The following NBEA variants were observed in gnomAD, a reference collection of about 807,000 sequenced individuals.
NBEA encodes the protein lysosomal-trafficking regulator 2.
A neutral mutation model predicts 343.4 loss-of-function variants in NBEA; 44 were observed. The ratio of observed to expected loss-of-function variants is 0.13; its 90% CI spans 0.10 to 0.16. NBEA has a LOEUF of 0.16. Ranked by LOEUF, NBEA falls within the 10% of genes least tolerant of loss-of-function variation. The pLI is 1.00. For synonymous variants in NBEA, 1,175 were observed against 1,238.7 expected, an observed-to-expected ratio of 0.95 and a Z score of 1.08; for missense variants, 2,555 against 3,631.3, an observed-to-expected ratio of 0.70 and a Z score of 7.62.
chr13:35,256,561 G>A (rs532711653), intron 34 of NBEA, among the ~76,000 whole-genome samples: 34 of 152,262 alleles, frequency 2.2e-4, no homozygotes, highest in African/African-American at 7.9e-4. Flanking sequence ...TTCCTCCTAC[G>A]CCGTCAACAT....
chr13:35,252,677 T>C (rs1425701879), intron 34 of NBEA, among the ~76,000 whole-genome samples: 1 of 152,118 alleles, frequency 6.6e-6, no homozygotes, highest in Non-Finnish European at 1.5e-5. Flanking sequence ...TAGCTGTCCC[T>C]GCACAGATGC....
chr13:35,572,356 A>G (rs1475597543), intron 45 of NBEA, among the ~76,000 whole-genome samples: 1 of 152,216 alleles, frequency 6.6e-6, no homozygotes, highest in Non-Finnish European at 1.5e-5. Context: ...ATGCCCTCTG[A>G]TAAGTGAAAT....
At chr13:35,440,306 TCTGA>T (rs1200377453) in intron 39 of NBEA, among the ~76,000 whole-genome samples, 1 of 152,236 alleles carries the variant, frequency 6.6e-6, no homozygotes, top group Non-Finnish European at 1.5e-5. Context: ...CCAAATCATT[TCTGA>T]CTGTCATGGA....
intron 41 of NBEA, among the ~76,000 whole-genome samples, chr13:35,519,564 T>C (rs2043444870): frequency 6.6e-6 from 1 of 152,220 alleles, no homozygotes; most frequent in Non-Finnish European, 1.5e-5. Flanking sequence ...TTTGGCCTTG[T>C]AAATAGCATT....
At chr13:35,105,402 C>T (rs895351638) in intron 11 of NBEA, among the ~76,000 whole-genome samples, 1 of 152,002 alleles carries the variant, frequency 6.6e-6, no homozygotes, top group Non-Finnish European at 1.5e-5. Context: ...TCAATAATGT[C>T]ATCAGAGACC....
chr13:35,359,958 T>C (rs1310516011), intron 38 of NBEA, among the ~76,000 whole-genome samples: 1 of 151,974 alleles, frequency 6.6e-6, no homozygotes, highest in African/African-American at 2.4e-5. Context: ...ACGGTAACTA[T>C]GTTGATACTT....
At chr13:35,265,019 A>C (rs2033551726) in intron 34 of NBEA, among the ~76,000 whole-genome samples, 1 of 151,982 alleles carries the variant, frequency 6.6e-6, no homozygotes, top group Non-Finnish European at 1.5e-5. Context: ...ATTAGAACTA[A>C]TAAATACATT....
chr13:35,668,315 G>A (rs2085451874), intron 57 of NBEA, 53 bp from the exon 58 acceptor site: 6 of 1,512,624 alleles, frequency 4.0e-6, no homozygotes, highest in Admixed American at 2.0e-5. Context: ...TGGTTGTTGT[G>A]TATTTTATTT....
intron 10 of NBEA, among the ~76,000 whole-genome samples, chr13:35,096,258 T>A (rs555727699): frequency 6.6e-6 from 1 of 151,808 alleles, no homozygotes; most frequent in Admixed American, 6.6e-5. Flanking sequence ...AGGTATAAAT[T>A]AAAACGACTT....
At chr13:35,472,123 C>T (rs1275322084) in intron 40 of NBEA, among the ~76,000 whole-genome samples, 2 of 152,028 alleles carry the variant, frequency 1.3e-5, no homozygotes, top group Admixed American at 6.6e-5. Flanking sequence ...AATGGCAGCC[C>T]CTTACCAACC....
chr13:35,646,404 G>C (rs940835002), intron 51 of NBEA, 56 bp downstream of exon 51: 1 of 1,258,790 alleles, frequency 7.9e-7, no homozygotes, highest in Non-Finnish European at 1.1e-6. Context: ...CCTGGGAATA[G>C]AGCAAATAAA....
intron 30 of NBEA, among the ~76,000 whole-genome samples, chr13:35,193,226 T>C (rs1478491257): frequency 2.0e-5 from 3 of 151,986 alleles, no homozygotes; most frequent in Middle Eastern, 3.2e-3. Flanking sequence ...ATATATTCAG[T>C]GGTATCTCTA....
chr13:35,348,604 C>T (rs934832856), intron 36 of NBEA, among the ~76,000 whole-genome samples: 31 of 151,906 alleles, frequency 2.0e-4, no homozygotes, highest in African/African-American at 3.4e-4. Context: ...TCATTTAGTC[C>T]TATCATCTGC....
At chr13:35,491,917 T>C (rs1319849079) in intron 41 of NBEA, among the ~76,000 whole-genome samples, 1 of 151,976 alleles carries the variant, frequency 6.6e-6, no homozygotes, top group Non-Finnish European at 1.5e-5. Flanking sequence ...AGCTACCACA[T>C]AGAGTTCAAA....
intron 38 of NBEA, among the ~76,000 whole-genome samples, chr13:35,416,561 C>T (rs140066635): frequency 1.7e-3 from 253 of 152,230 alleles, no homozygotes; most frequent in African/African-American, 5.9e-3. Context: ...TATGTTGAAC[C>T]AGCCTTGCAT....
chr13:35,159,050 A>C lies in NBEA; in HGVS notation c.2879A>C (p.Lys960Thr). 1 of 1,610,762 alleles carries C rather than the reference A, an allele frequency of 6.2e-7. No individual in the cohort carries two copies. Among genetic ancestry groups the C allele is most frequent in the East Asian group, 2.2e-5 (1 of 44,818 alleles). The stretch of plus-strand genomic sequence containing the variant: ...GAAGCTCATAAGGAATACCTAGCCA[A>C]AATGTATGAGGAATATCAAAGACAA... The part of the protein sequence containing the change: ...TYEAHKEYLA[K>T]MYEEYQRQEE... Residue 960 changes from lysine to threonine, a missense_variant, in exon 22 of 59, where the codon AAA (lysine) becomes ACA (threonine). Around this residue, in one of 21 missense-constraint regions of NBEA, gnomAD observed 18 missense variants for 21.7 expected, o/e 0.83. Transcript: ENST00000379939.
At chr13:35,619,238 C>T (rs1338687679) in intron 48 of NBEA, among the ~76,000 whole-genome samples, 1 of 152,016 alleles carries the variant, frequency 6.6e-6, no homozygotes, top group East Asian at 1.9e-4. Context: ...AGTGCCATCT[C>T]TGGAACACCT....
At chr13:35,196,634 G>C (rs1468405620) in intron 31 of NBEA, among the ~76,000 whole-genome samples, 1 of 152,048 alleles carries the variant, frequency 6.6e-6, no homozygotes, top group South Asian at 2.1e-4. Flanking sequence ...TAATGGGGAA[G>C]GGGATGGGTC....
At chr13:35,392,784 CT>C (rs2042567834) in intron 38 of NBEA, among the ~76,000 whole-genome samples, 1 of 152,048 alleles carries the variant, frequency 6.6e-6, no homozygotes, top group Non-Finnish European at 1.5e-5. Context: ...ATAAATGGGA[CT>C]TTTTTTGCCC....
Sources: gnomAD v4.1 joint callset for allele counts (sites outside exome capture counted in the v4.1 genomes callset) on GRCh38, gnomAD v4.1.1 for gene constraint, gnomAD v4.1.1 regional missense constraint, MANE v1.5 for transcripts, NCBI Gene and HGNC (gene_info 2026-07-23, HGNC 2026-07-21) for gene names.